The following PCDH9 variants were observed in gnomAD, a reference collection of about 807,000 sequenced individuals.
The protein encoded by PCDH9 is protocadherin 9, also known as protocadherin-9.
A neutral mutation model predicts 70.6 loss-of-function variants in PCDH9; 24 were observed. The ratio of observed to expected loss-of-function variants is 0.34; its 90% CI spans 0.25 to 0.48. PCDH9 has a LOEUF of 0.48. Ranked by LOEUF, PCDH9 falls within the 20% of genes least tolerant of loss-of-function variation. PCDH9 has a pLI of 0.99. For synonymous variants in PCDH9, 562 were observed against 558.5 expected (o/e 1.01, Z -0.09); for missense variants, 1,281 against 1,503.6 (o/e 0.85, Z 2.45).
At chr13:66,368,218 C>T (rs905717764) in intron 4 of PCDH9, among the ~76,000 whole-genome samples, 3 of 151,932 alleles carry the variant, frequency 2.0e-5, no homozygotes, top group Non-Finnish European at 4.4e-5. Flanking sequence ...TTTAACATTA[C>T]TAAATGAGTT....
intron 2 of PCDH9, among the ~76,000 whole-genome samples, chr13:67,069,107 C>T (rs775138825): frequency 3.9e-5 from 6 of 152,116 alleles, no homozygotes; most frequent in Non-Finnish European, 8.8e-5. Flanking sequence ...AACTACTTGC[C>T]TCACATTTAA....
chr13:66,568,653 CAG>C (rs1279459866), intron 4 of PCDH9, among the ~76,000 whole-genome samples: 1 of 150,678 alleles, frequency 6.6e-6, no homozygotes, highest in African/African-American at 2.4e-5. Flanking sequence ...GCCTGAATGA[CAG>C]GGGAAAAACC....
At chr13:66,701,637 C>T (rs2078649783) in intron 3 of PCDH9, among the ~76,000 whole-genome samples, 1 of 152,120 alleles carries the variant, frequency 6.6e-6, no homozygotes, top group Admixed American at 6.6e-5. Flanking sequence ...AAGGCTTCAT[C>T]AACAACTGAA....
intron 4 of PCDH9, among the ~76,000 whole-genome samples, chr13:66,440,456 C>A (rs1957951513): frequency 6.6e-6 from 1 of 151,956 alleles, no homozygotes; most frequent in South Asian, 2.1e-4. Context: ...TGTAAAAAAT[C>A]TGTAATGAAT....
chr13:66,888,336 A>C (rs146348264), intron 3 of PCDH9, among the ~76,000 whole-genome samples: 1 of 151,930 alleles, frequency 6.6e-6, no homozygotes, highest in African/African-American at 2.4e-5. Context: ...CTCTGCAAAA[A>C]ATTTAAAAAA....
intron 2 of PCDH9, among the ~76,000 whole-genome samples, chr13:67,024,342 G>A (rs2084737496): frequency 6.6e-6 from 1 of 151,998 alleles, no homozygotes. Context: ...AATGGCCATG[G>A]GTCATCGTGT....
chr13:67,058,421 C>A (rs990886742), intron 2 of PCDH9, among the ~76,000 whole-genome samples: 1 of 152,074 alleles, frequency 6.6e-6, no homozygotes, highest in African/African-American at 2.4e-5. Context: ...GAATTTAAAC[C>A]CAATCTCATT....
chr13:66,769,219 A>G (rs2079765208), intron 3 of PCDH9, among the ~76,000 whole-genome samples: 1 of 151,072 alleles, frequency 6.6e-6, no homozygotes, highest in African/African-American at 2.4e-5. Flanking sequence ...GTGAAATATG[A>G]AAAAAAAATG....
chr13:66,719,176 T>C (rs2078909488), intron 3 of PCDH9, among the ~76,000 whole-genome samples: 1 of 152,230 alleles, frequency 6.6e-6, no homozygotes. Flanking sequence ...AGCTGGGCTT[T>C]GGTCCTAACT....
chr13:66,326,000 A>C (rs1955835495), intron 4 of PCDH9, among the ~76,000 whole-genome samples: 2 of 152,122 alleles, frequency 1.3e-5, no homozygotes, highest in South Asian at 2.1e-4. Context: ...TCTCAGGTAC[A>C]TTATTCCTCT....
At chr13:66,965,159 T>C (rs1169636930) in intron 2 of PCDH9, among the ~76,000 whole-genome samples, 2 of 152,108 alleles carry the variant, frequency 1.3e-5, no homozygotes, top group Non-Finnish European at 2.9e-5. Context: ...AGCTTACCCA[T>C]TATTGGACAG....
intron 4 of PCDH9, among the ~76,000 whole-genome samples, chr13:66,441,689 T>C (rs141991423): frequency 2.0e-5 from 3 of 152,150 alleles, no homozygotes; most frequent in African/African-American, 4.8e-5. Flanking sequence ...GCTGGGATTT[T>C]TATATTTATG....
intron 2 of PCDH9, among the ~76,000 whole-genome samples, chr13:67,013,818 C>A (rs1199774051): frequency 4.0e-5 from 6 of 151,804 alleles, no homozygotes; most frequent in African/African-American, 1.5e-4. Context: ...AGACTATTGA[C>A]CTTAACTATG....
chr13:66,708,175 A>G (rs953819076), intron 3 of PCDH9, among the ~76,000 whole-genome samples: 60 of 150,314 alleles, frequency 4.0e-4, no homozygotes, highest in Admixed American at 4.6e-4. Context: ...TCAGCCTCCC[A>G]AGTAGCTGGG....
chr13:66,387,578 C>T (rs1956951009), intron 4 of PCDH9, among the ~76,000 whole-genome samples: 2 of 151,518 alleles, frequency 1.3e-5, no homozygotes, highest in African/African-American at 4.9e-5. Flanking sequence ...GCACCTTCCT[C>T]CTTTCTCCGT....
At chr13:66,923,187 TA>T (rs1204273797) in intron 2 of PCDH9, among the ~76,000 whole-genome samples, 1 of 151,504 alleles carries the variant, frequency 6.6e-6, no homozygotes, top group Non-Finnish European at 1.5e-5. Flanking sequence ...ATTAATAATT[TA>T]ATAATTTTCA....
intron 2 of PCDH9, chr13:67,214,438 C>T (rs953691995): frequency 6.6e-6 from 1 of 152,108 alleles, no homozygotes; most frequent in African/African-American, 2.4e-5. Flanking sequence ...CAGATTCTCT[C>T]TTATATGTGA....
chr13:66,745,162 G>T (rs1566165752), intron 3 of PCDH9, among the ~76,000 whole-genome samples: 1 of 152,186 alleles, frequency 6.6e-6, no homozygotes, highest in Non-Finnish European at 1.5e-5. Context: ...GGCAATTAGA[G>T]AAATATCTGA....
chr13:66,736,416 G>A (rs1329256884), intron 3 of PCDH9, among the ~76,000 whole-genome samples: 1 of 152,142 alleles, frequency 6.6e-6, no homozygotes, highest in Non-Finnish European at 1.5e-5. Context: ...AAAAGAAGGT[G>A]CCCACAGGCC....
Sources: allele counts gnomAD v4.1 joint callset (sites outside exome capture counted in the v4.1 genomes callset), GRCh38; gene constraint gnomAD v4.1.1; transcripts MANE v1.5; gene names NCBI Gene and HGNC (gene_info 2026-07-23, HGNC 2026-07-21).